The following PLCL2 variants were observed in gnomAD, a reference collection of about 807,000 sequenced individuals.
PLCL2 encodes the protein inactive phospholipase C-like protein 2.
Under a neutral mutation model 79.6 loss-of-function variants are expected in PLCL2, and 4 were observed. That is an observed-to-expected ratio of 0.05 (90% CI 0.02 to 0.11). The LOEUF is 0.11. PLCL2 is among the 10% of genes least tolerant of loss of function. The probability of loss-of-function intolerance (pLI) is 1.00; values close to 1 mark genes in which losing one functional copy is unlikely to be tolerated. For missense variants in PLCL2, 895 were observed against 1,291.0 expected, an observed-to-expected ratio of 0.69 and a Z score of 4.70; for synonymous variants, 484 against 457.7, an observed-to-expected ratio of 1.06 and a Z score of -0.73.
chr3:17,080,028 C>A (rs1235752601), intron 5 of PLCL2, among the ~76,000 whole-genome samples: 2 of 152,220 alleles, frequency 1.3e-5, no homozygotes, highest in Non-Finnish European at 2.9e-5. Flanking sequence ...CCCCCTCTGG[C>A]AGCTTCTTTG....
intron 1 of PLCL2, among the ~76,000 whole-genome samples, chr3:16,964,867 G>C (rs1575557640): frequency 6.6e-6 from 1 of 152,048 alleles, no homozygotes; most frequent in African/African-American, 2.4e-5. Flanking sequence ...TGATAGGGTT[G>C]TTTGTTTTTT....
intron 4 of PLCL2, among the ~76,000 whole-genome samples, chr3:17,064,844 G>C (rs2064992479): frequency 1.3e-5 from 2 of 150,010 alleles, no homozygotes; most frequent in South Asian, 4.2e-4. Flanking sequence ...CAGGAGAATT[G>C]CTTGAACCCA....
chr3:17,052,261 G>GC (rs1444976756), intron 4 of PLCL2, among the ~76,000 whole-genome samples: 4 of 150,490 alleles, frequency 2.7e-5, no homozygotes, highest in Non-Finnish European at 4.4e-5. Flanking sequence ...AAATTGGGGG[G>GC]GGGTGAAGGT....
intron 1 of PLCL2, among the ~76,000 whole-genome samples, chr3:16,906,975 T>C (rs972291385): frequency 6.6e-6 from 1 of 152,208 alleles, no homozygotes; most frequent in African/African-American, 2.4e-5. Flanking sequence ...TTGCAGAGTT[T>C]AAGAGATCAT....
intron 3 of PLCL2, among the ~76,000 whole-genome samples, chr3:17,021,625 CACACA>C (rs2064455554): frequency 2.0e-5 from 3 of 148,862 alleles, no homozygotes; most frequent in East Asian, 1.9e-4. Flanking sequence ...CACACACACA[CACACA>C]CCCCAGATAC....
chr3:16,917,865 A>G (rs922000686), intron 1 of PLCL2, among the ~76,000 whole-genome samples: 1 of 152,208 alleles, frequency 6.6e-6, no homozygotes, highest in Non-Finnish European at 1.5e-5. Context: ...AGGATCATGT[A>G]GGATGCAATA....
intron 4 of PLCL2, among the ~76,000 whole-genome samples, chr3:17,057,622 T>G (rs1371798782): frequency 1.3e-5 from 2 of 152,218 alleles, no homozygotes; most frequent in African/African-American, 4.8e-5. Context: ...CAGATAGAAT[T>G]GGCTGTCATC....
At chr3:16,955,869 C>T (rs935881977) in intron 1 of PLCL2, among the ~76,000 whole-genome samples, 1 of 152,162 alleles carries the variant, frequency 6.6e-6, no homozygotes, top group Non-Finnish European at 1.5e-5. Flanking sequence ...GATTTTTGCA[C>T]ATTGATTTTG....
chr3:16,910,886 A>G (rs1186992478), intron 1 of PLCL2, among the ~76,000 whole-genome samples: 3 of 152,094 alleles, frequency 2.0e-5, no homozygotes, highest in Non-Finnish European at 2.9e-5. Context: ...CATCAAGTCT[A>G]TCAACAAACA....
chr3:16,961,765 T>C (rs1025088308), intron 1 of PLCL2, among the ~76,000 whole-genome samples: 1 of 152,082 alleles, frequency 6.6e-6, no homozygotes, highest in East Asian at 1.9e-4. Flanking sequence ...ATGAGAGTTG[T>C]GGGATAGGGA....
At chr3:17,019,309 A>G (rs537383364) in intron 3 of PLCL2, among the ~76,000 whole-genome samples, 8 of 152,356 alleles carry the variant, frequency 5.3e-5, no homozygotes, top group Admixed American at 4.6e-4. Context: ...GCAAAGGGCT[A>G]TGCTCAGAAT....
chr3:17,084,183 C>T (rs1441580539), intron 5 of PLCL2, among the ~76,000 whole-genome samples: 1 of 152,040 alleles, frequency 6.6e-6, no homozygotes, highest in African/African-American at 2.4e-5. Flanking sequence ...ACTTGAAAAC[C>T]TAGATGAAAT....
At position 17,011,093 on chromosome 3, in the gene PLCL2, G is replaced by A; in HGVS notation, c.1747G>A (p.Val583Ile). Residue 583 changes from valine to isoleucine, a missense_variant, in exon 2 of 6, where the codon GTT becomes ATT. Val to Ile is a conservative substitution (Grantham distance 29). Around this residue, in one of 6 missense-constraint regions of PLCL2, gnomAD observed 242 missense variants for 399.5 expected, o/e 0.61. Coordinates refer to ENST00000615277, the MANE Select transcript of PLCL2 (RefSeq NM_001144382.2). This position sits in a 1 kb window ranked among gnomAD's most constrained non-coding sequence, Gnocchi z 7.9. ...SSNCSGVEGDVTDEDEGAEMS... is the reference protein window; with the variant it reads ...SSNCSGVEGDITDEDEGAEMS... ...AAATTGCTCTGGGGTAGAAGGAGATGTTACTGACGAAGATGAAGGAGCAGA... is the reference window on the plus strand; with the variant it reads ...AAATTGCTCTGGGGTAGAAGGAGATATTACTGACGAAGATGAAGGAGCAGA... The A allele has an allele frequency of 6.2e-7, 1 of 1,614,082 alleles. No homozygotes were observed. The highest frequency in any genetic ancestry group is 8.5e-7 in the Non-Finnish European group (1 of 1,180,010).
At chr3:16,919,847 T>G (rs1406344394) in intron 1 of PLCL2, among the ~76,000 whole-genome samples, 1 of 152,196 alleles carries the variant, frequency 6.6e-6, no homozygotes, top group African/African-American at 2.4e-5. Context: ...GCAAAGATTC[T>G]GTGAACATGG....
intron 4 of PLCL2, among the ~76,000 whole-genome samples, chr3:17,061,085 A>G (rs2064947983): frequency 6.6e-6 from 1 of 152,188 alleles, no homozygotes; most frequent in African/African-American, 2.4e-5. Context: ...AATTTTAGCC[A>G]TGTGCTACAT....
chr3:16,943,094 C>T (rs1042469478), intron 1 of PLCL2, among the ~76,000 whole-genome samples: 1 of 152,160 alleles, frequency 6.6e-6, no homozygotes, highest in East Asian at 1.9e-4. Flanking sequence ...CCTTATCTGC[C>T]TCCTCCTTTT....
At chr3:16,909,123 G>T (rs1035942731) in intron 1 of PLCL2, among the ~76,000 whole-genome samples, 2 of 152,288 alleles carry the variant, frequency 1.3e-5, no homozygotes, top group East Asian at 1.9e-4. Flanking sequence ...ATATGTAAAA[G>T]AAATATTTTG....
Position 17,010,787 on chromosome 3 carries a change from G to C in PLCL2, c.1441G>C (p.Glu481Gln). 14 of 1,614,150 alleles carry C rather than the reference G, an allele frequency of 8.7e-6. No individual in the cohort carries two copies. The highest frequency in any genetic ancestry group is 1.1e-5 in the Non-Finnish European group (13 of 1,180,010). Residue 481 changes from glutamate (E) to glutamine (Q), a missense_variant, in exon 2 of 6, where the codon GAA (glutamate) becomes CAA (glutamine). Glu to Gln is a conservative substitution (Grantham distance 29). This residue lies in a region of PLCL2 where 242 missense variants were observed against 399.5 expected (regional missense o/e 0.61). Coordinates refer to ENST00000615277, the MANE Select transcript of PLCL2 (RefSeq NM_001144382.2). This position sits in a 1 kb window ranked among gnomAD's most constrained non-coding sequence, Gnocchi z 5.8. Reference sequence around the variant, plus strand: ...AGATGTATGGGATGGGCCGGACAATGAACCTGTAATTTACACAGGCCACAC... The same window carrying C: ...AGATGTATGGGATGGGCCGGACAATCAACCTGTAATTTACACAGGCCACAC... The part of the protein sequence containing the change: ...ELDVWDGPDN[E>Q]PVIYTGHTMT...
intron 1 of PLCL2, among the ~76,000 whole-genome samples, chr3:16,954,296 G>A (rs998964452): frequency 5.3e-5 from 8 of 152,056 alleles, no homozygotes; most frequent in African/African-American, 9.7e-5. Context: ...TTGTCCTTGC[G>A]ATAGTTTGCT....
Sources: gnomAD v4.1 joint callset for allele counts (sites outside exome capture counted in the v4.1 genomes callset) on GRCh38, gnomAD v4.1.1 for gene constraint, gnomAD v4.1.1 regional missense constraint, Gnocchi (gnomAD v3.1) non-coding constraint, MANE v1.5 for transcripts, NCBI Gene and HGNC (gene_info 2026-07-23, HGNC 2026-07-21) for gene names.